TCF4: variants seen among roughly 807,000 people sequenced by gnomAD.
TCF4 encodes SL3-3 enhancer factor 2.
In TCF4, 3 loss-of-function variants were observed where a neutral mutation model predicts 82.1. The observed-to-expected ratio is 0.04, with a 90% CI of 0.02 to 0.09. The LOEUF (loss-of-function observed/expected upper bound fraction) is 0.09. Ranked by LOEUF, TCF4 falls within the 10% of genes least tolerant of loss-of-function variation. The pLI is 1.00. For synonymous variants in TCF4, 276 were observed against 309.6 expected, an observed-to-expected ratio of 0.89 and a Z score of 1.14; for missense variants, 518 against 852.7, an observed-to-expected ratio of 0.61 and a Z score of 4.89.
chr18:55,631,606 T>C (rs2097731681), intron 1 of TCF4, among the ~76,000 whole-genome samples: 4 of 152,174 alleles, frequency 2.6e-5, no homozygotes, highest in African/African-American at 4.8e-5. Flanking sequence ...ACTTAAAATA[T>C]ATAGCTGAGC....
chr18:55,594,495 ATCTG>A (rs1189819739), intron 2 of TCF4, among the ~76,000 whole-genome samples: 2 of 152,334 alleles, frequency 1.3e-5, no homozygotes, highest in Non-Finnish European at 1.5e-5. Flanking sequence ...TGAATGAAGA[ATCTG>A]TCTGTACCCT....
intron 15 of TCF4, among the ~76,000 whole-genome samples, chr18:55,253,419 A>C (rs184813115): frequency 8.5e-4 from 129 of 152,274 alleles, no homozygotes; most frequent in African/African-American, 2.7e-3. Context: ...GACGAGGTAG[A>C]GCTTGTGAGG....
At chr18:55,357,323 G>A (rs924567742) in intron 6 of TCF4, among the ~76,000 whole-genome samples, 3 of 152,082 alleles carry the variant, frequency 2.0e-5, no homozygotes, top group Non-Finnish European at 2.9e-5. Context: ...TGGATTTGAA[G>A]AAATCTTATG....
In TCF4 at chr18:55,469,351, C is replaced by A. The variant is rs539767175; in HGVS notation, c.146-5214G>T. Reference sequence around the variant, plus strand: ...TGGTGGTGGACGCCTGTAATCCCAGCTACTCAGGAGGCTGAGGCAGGAGAA... The same window carrying A: ...TGGTGGTGGACGCCTGTAATCCCAGATACTCAGGAGGCTGAGGCAGGAGAA... On this transcript the variant is annotated intron_variant, in intron 3 of 19. Coordinates refer to ENST00000354452, the MANE Select transcript of TCF4 (RefSeq NM_001083962.2). Among the ~76,000 whole-genome samples, 3 of 152,166 alleles carry A rather than the reference C, an allele frequency of 2.0e-5. No individual in the cohort carries two copies. In the East Asian group the frequency reaches 5.8e-4, roughly 29 times the overall value.
At chr18:55,385,459 A>G (rs1183633756) in intron 6 of TCF4, among the ~76,000 whole-genome samples, 3 of 152,174 alleles carry the variant, frequency 2.0e-5, no homozygotes, top group African/African-American at 7.2e-5. Context: ...CTGGAGTGCA[A>G]TGCACGATCT....
chr18:55,559,188 C>T (rs1315297891), intron 3 of TCF4, among the ~76,000 whole-genome samples: 1 of 149,364 alleles, frequency 6.7e-6, no homozygotes, highest in African/African-American at 2.5e-5. Flanking sequence ...AGTTAGACTT[C>T]TGCTTGTGGC....
chr18:55,608,914 G>C (rs2097704638), intron 2 of TCF4, among the ~76,000 whole-genome samples: 1 of 152,142 alleles, frequency 6.6e-6, no homozygotes, highest in African/African-American at 2.4e-5. Context: ...TGTGTTGAAG[G>C]CTAATCCCCA....
chr18:55,505,820 A>G (rs1603617093), intron 3 of TCF4, among the ~76,000 whole-genome samples: 1 of 151,532 alleles, frequency 6.6e-6, no homozygotes, highest in South Asian at 2.1e-4. Context: ...AAAAAAAAAA[A>G]AAAGCAACCA....
rs559804885 is a variant in TCF4 at position 55,621,825 on chromosome 18, A to T, written c.286+9473T>A. Among the ~76,000 whole-genome samples, 268 of 71,664 alleles carry T rather than the reference A, an allele frequency of 3.7e-3. 3 individuals are homozygous for T. Among genetic ancestry groups the T allele is most frequent in the Admixed American group, 0.011 (37 of 3,514 alleles). 47.0% of individuals were successfully genotyped at this position (71,664 alleles called of 152,430 possible). On this transcript the variant is annotated intron_variant, in intron 2 of 20. Coordinates refer to the TCF4 transcript ENST00000398339. Reference sequence around the variant, plus strand: ...TGTTATATTATATATTATATTATATAATATATATACACTATATACAATGTA... The same window carrying T: ...TGTTATATTATATATTATATTATATTATATATATACACTATATACAATGTA...
In TCF4 at chr18:55,225,973, ATTC is replaced by A. The variant is rs2046537088; in HGVS notation, c.*2059_*2061del. 6.6e-6 allele frequency: 1 copy of A among 152,536 alleles called. No individual in the cohort carries two copies. Among genetic ancestry groups the A allele is most frequent in the Non-Finnish European group, 1.5e-5 (1 of 67,996 alleles). The allele number at this position is 152,536 out of a possible 1,614,324, so 9.4% of individuals were successfully genotyped here. A position where few individuals can be genotyped will look rare whatever the true frequency, so the allele number is the denominator to read the frequency against. On this transcript the variant is annotated 3_prime_UTR_variant, in exon 20 of 20. Coordinates refer to ENST00000354452, the MANE Select transcript of TCF4 (RefSeq NM_001083962.2). ...TTTCAGAAATGAACATAAAATTCTG[ATTC>A]TTGTAGCTATTTCATTTAAATGAGA...
At chr18:55,503,326 T>G (rs1291120098) in intron 3 of TCF4, among the ~76,000 whole-genome samples, 1 of 152,224 alleles carries the variant, frequency 6.6e-6, no homozygotes, top group Non-Finnish European at 1.5e-5. Flanking sequence ...ATAAATTCAG[T>G]CTAGATTCTC....
intron 8 of TCF4, among the ~76,000 whole-genome samples, chr18:55,331,191 A>G (rs539647795): frequency 1.5e-4 from 23 of 152,256 alleles, no homozygotes; most frequent in Non-Finnish European, 2.8e-4. Context: ...TTTTCAGGGA[A>G]GAGACAGACA....
chr18:55,500,163 C>G (rs975126489), intron 3 of TCF4, among the ~76,000 whole-genome samples: 1 of 151,992 alleles, frequency 6.6e-6, no homozygotes, highest in Non-Finnish European at 1.5e-5. Flanking sequence ...GCCTGGGCGA[C>G]AGAGGGAGAC....
chr18:55,288,315 T>C (rs1601523631), intron 8 of TCF4, among the ~76,000 whole-genome samples: 1 of 152,184 alleles, frequency 6.6e-6, no homozygotes, highest in Non-Finnish European at 1.5e-5. Flanking sequence ...ACCTATCAGC[T>C]CTATTGCAGC....
At chr18:55,423,414 C>A (rs1255698864) in intron 5 of TCF4, 1 of 103,038 alleles carries the variant, frequency 9.7e-6, no homozygotes, top group Non-Finnish European at 1.8e-5. Context: ...GCAGGAGAGG[C>A]ACACGCGCGC....
At chr18:55,397,753 A>G (rs76338150) in intron 6 of TCF4, among the ~76,000 whole-genome samples, 2,108 of 152,322 alleles carry the variant, frequency 0.014, 69 homozygotes, top group African/African-American at 0.047. Flanking sequence ...TATGTTAGTT[A>G]GGCAAATGTC....
At chr18:55,257,524 A>C in intron 13 of TCF4, 133 bp from the exon 14 acceptor site, 2 of 831,714 alleles carry the variant, frequency 2.4e-6, no homozygotes, top group Non-Finnish European at 4.0e-6. Flanking sequence ...AAATACATGT[A>C]AACTTCCCAT....
chr18:55,446,626 A>C (rs2095530014), intron 5 of TCF4, among the ~76,000 whole-genome samples: 1 of 152,134 alleles, frequency 6.6e-6, no homozygotes, highest in African/African-American at 2.4e-5. Flanking sequence ...AGTTTATTAT[A>C]AGGAGCAAGC....
At chr18:55,572,972 G>C (rs2097488954) in intron 3 of TCF4, among the ~76,000 whole-genome samples, 1 of 151,988 alleles carries the variant, frequency 6.6e-6, no homozygotes, top group South Asian at 2.1e-4. Context: ...AGAATCACTT[G>C]AACTCGGGAG....
Sources: allele counts gnomAD v4.1 joint callset (sites outside exome capture counted in the v4.1 genomes callset), GRCh38; gene constraint gnomAD v4.1.1; transcripts MANE v1.5; gene names NCBI Gene and HGNC (gene_info 2026-07-23, HGNC 2026-07-21).